The following STIM2 variants were observed in gnomAD, a reference collection of about 807,000 sequenced individuals.
STIM2 encodes the protein stromal interaction molecule 2.
Under a neutral mutation model 85.8 loss-of-function variants are expected in STIM2, and 31 were observed. The ratio of observed to expected loss-of-function variants is 0.36; its 90% CI spans 0.27 to 0.49. STIM2 has a LOEUF of 0.49. Among genes scored for constraint, STIM2 ranks in the 20% least tolerant of loss-of-function variants. STIM2 has a pLI of 0.98. For missense variants in STIM2, 841 were observed against 927.6 expected (o/e 0.91, Z 1.21); for synonymous variants, 356 against 331.1 (o/e 1.08, Z -0.82).
intron 10 of STIM2, among the ~76,000 whole-genome samples, chr4:27,010,195 C>T (rs549245520): frequency 3.3e-5 from 5 of 152,218 alleles, no homozygotes; most frequent in East Asian, 1.9e-4. Context: ...CCTGTAATCC[C>T]GGCACTTTGG....
At chr4:26,957,446 A>G (rs1403727089) in intron 2 of STIM2, among the ~76,000 whole-genome samples, 166 bp from the exon 3 acceptor site, 2 of 152,174 alleles carry the variant, frequency 1.3e-5, no homozygotes, top group Non-Finnish European at 2.9e-5. Flanking sequence ...ACATTTCATT[A>G]AATACATTTT....
At chr4:26,972,994 T>G (rs1273505445) in intron 3 of STIM2, among the ~76,000 whole-genome samples, 1 of 152,236 alleles carries the variant, frequency 6.6e-6, no homozygotes, top group African/African-American at 2.4e-5. Context: ...CAGGAATTTA[T>G]CCATTTCTTC....
intron 3 of STIM2, among the ~76,000 whole-genome samples, chr4:26,990,892 T>C (rs187126866): frequency 6.6e-6 from 1 of 152,218 alleles, no homozygotes; most frequent in African/African-American, 2.4e-5. Context: ...ATTATCACAC[T>C]CCAGTTTGAA....
rs2109136207 is a variant in STIM2 at position 27,007,653 on chromosome 4, A to G, written c.1102A>G (p.Ile368Val). The change falls in exon 8 of 12, where the codon ATT becomes GTT. Residue 368 changes from isoleucine (I) to valine (V), a missense_variant. This residue lies in a region of STIM2 where 408 missense variants were observed against 525.4 expected (regional missense o/e 0.78). Coordinates refer to ENST00000467087, the MANE Select transcript of STIM2 (RefSeq NM_020860.4). ...TGAAGTAGAAGTGCAATACTACAAT[A>G]TTAAAAGACAAAACGCTGAAATGCA... 6.3e-7 allele frequency: 1 copy of G among 1,598,538 alleles called. No individual in the cohort carries two copies. Among genetic ancestry groups the G allele is most frequent in the Non-Finnish European group, 8.5e-7 (1 of 1,173,516 alleles).
At chr4:26,989,891 G>A (rs1411929830) in intron 3 of STIM2, among the ~76,000 whole-genome samples, 7 of 151,962 alleles carry the variant, frequency 4.6e-5, no homozygotes, top group African/African-American at 9.7e-5. Flanking sequence ...ACCTAGAAAC[G>A]AATTTAACCA....
intron 3 of STIM2, among the ~76,000 whole-genome samples, chr4:26,974,118 C>G (rs1374342655): frequency 6.6e-6 from 1 of 152,080 alleles, no homozygotes; most frequent in East Asian, 1.9e-4. Flanking sequence ...TATTTTGAGC[C>G]TATGTAAGTC....
At chr4:26,919,115 G>T in intron 1 of STIM2, among the ~76,000 whole-genome samples, 1 of 148,998 alleles carries the variant, frequency 6.7e-6, no homozygotes, top group African/African-American at 2.5e-5. Context: ...TGTATTCTGT[G>T]ATTTTTTAGT....
At chr4:26,935,447 C>T (rs368198756) in intron 2 of STIM2, among the ~76,000 whole-genome samples, 1 of 152,152 alleles carries the variant, frequency 6.6e-6, no homozygotes, top group Admixed American at 6.5e-5. Context: ...ATTTAGCTTA[C>T]AGAGTGAGAA....
Position 26,861,362 on chromosome 4 carries a change from C to A in STIM2, c.144C>A (p.Leu48=). 1 of 1,338,576 alleles carries A rather than the reference C, an allele frequency of 7.5e-7. No homozygotes were observed. Among genetic ancestry groups the A allele is most frequent in the South Asian group, 1.9e-5 (1 of 53,028 alleles). 82.9% of individuals were successfully genotyped at this position (1,338,576 alleles called of 1,614,324 possible). Residue 48 remains leucine (L), a synonymous_variant, in exon 1 of 12, where the codon CTC becomes CTA. Transcript: ENST00000467087. ...CGGCGGCCGGCGATAGCCCGGCGCT[C>A]ATGACAGGTGAGGGGCCGGGGGGCG...
intron 2 of STIM2, among the ~76,000 whole-genome samples, chr4:26,946,831 T>C (rs956268152): frequency 1.3e-5 from 2 of 152,222 alleles, no homozygotes; most frequent in African/African-American, 4.8e-5. Flanking sequence ...TCTTGTGTTA[T>C]TTCCCTGTGT....
chr4:26,874,982 C>T (rs1193104053), intron 1 of STIM2, among the ~76,000 whole-genome samples: 2 of 152,254 alleles, frequency 1.3e-5, no homozygotes, highest in East Asian at 1.9e-4. Flanking sequence ...GCAGCTTCTT[C>T]GTATTATGAT....
Position 27,022,629 on chromosome 4 carries a change from T to C in STIM2, c.1874T>C (p.Ile625Thr), listed in dbSNP as rs1728950544. 1 of 1,614,072 alleles carries C rather than the reference T, an allele frequency of 6.2e-7. No individual in the cohort carries two copies. The highest frequency in any genetic ancestry group is 8.5e-7 in the Non-Finnish European group (1 of 1,180,016). Residue 625 changes from isoleucine to threonine, a missense_variant, in exon 12 of 12, where the codon ATA (isoleucine) becomes ACA (threonine). Ile to Thr is a moderately conservative substitution (Grantham distance 89). Around this residue, in one of 3 missense-constraint regions of STIM2, gnomAD observed 293 missense variants for 284.5 expected, o/e 1.03. Coordinates refer to ENST00000467087, the MANE Select transcript of STIM2 (RefSeq NM_020860.4). ...TACCAAACATTATCTCCGCGAAAGATATCAAGAGATGAGGTGTCCCTAGAG... is the reference window on the plus strand; with the variant it reads ...TACCAAACATTATCTCCGCGAAAGACATCAAGAGATGAGGTGTCCCTAGAG...
At position 26,919,563 on chromosome 4, in the gene STIM2, G is replaced by A; in HGVS notation, c.211G>A (p.Ala71Thr). ...AGAAGAAGACAGATTTAGTCTGGAA[G>A]CTCTTCAAACAATACATAAACAAAT... The change falls in exon 2 of 12, where the codon GCT (alanine) becomes ACT (threonine). Residue 71 changes from alanine (A) to threonine (T), a missense_variant. Physicochemically the swap from Ala to Thr is moderately conservative, Grantham distance 58. Coordinates refer to ENST00000467087, the MANE Select transcript of STIM2 (RefSeq NM_020860.4). 1 of 1,613,678 alleles carries A rather than the reference G, an allele frequency of 6.2e-7. No homozygotes were observed. The highest frequency in any genetic ancestry group is 8.5e-7 in the Non-Finnish European group (1 of 1,179,732).
At chr4:26,929,309 G>T (rs987016183) in intron 2 of STIM2, among the ~76,000 whole-genome samples, 2 of 152,120 alleles carry the variant, frequency 1.3e-5, no homozygotes, top group Non-Finnish European at 2.9e-5. Context: ...TTTAAAGGAT[G>T]AATTATTAAT....
chr4:26,876,035 G>C (rs1255052821), intron 1 of STIM2, among the ~76,000 whole-genome samples: 1 of 151,912 alleles, frequency 6.6e-6, no homozygotes, highest in Non-Finnish European at 1.5e-5. Flanking sequence ...CATATTAGTG[G>C]CTCAGTATCC....
At position 26,978,270 on chromosome 4, in the gene STIM2, C is replaced by CAT. The variant is rs201973076; in HGVS notation, c.398-17100_398-17099dup. On this transcript the variant is annotated intron_variant, in intron 3 of 11. Transcript: ENST00000467087. Reference sequence around the variant, plus strand: ...CACATATATACATATATATTTAAATCATATATATATTTTCATATATATGAA... The same window carrying CAT: ...CACATATATACATATATATTTAAATCATATATATATATTTTCATATATATGAA... Among the ~76,000 whole-genome samples, 37 of 146,498 alleles carry CAT rather than the reference C, an allele frequency of 2.5e-4. No individual in the cohort carries two copies. In the South Asian group the frequency reaches 7.9e-3, roughly 31 times the overall value.
intron 1 of STIM2, among the ~76,000 whole-genome samples, chr4:26,869,299 C>CAAA (rs71186495): frequency 1.2e-5 from 1 of 85,840 alleles, no homozygotes; most frequent in Non-Finnish European, 2.3e-5. Context: ...ACCCTGTCTC[C>CAAA]AAAAAAAAAA....
intron 2 of STIM2, among the ~76,000 whole-genome samples, chr4:26,932,345 T>A (rs943641521): frequency 2.2e-4 from 34 of 152,214 alleles, no homozygotes; most frequent in African/African-American, 8.2e-4. Flanking sequence ...TTTGGCATAA[T>A]GTAAGTGGTC....
rs1395664752 is a variant in STIM2, at chr4:27,022,635, G to A, written c.1880G>A (p.Arg627Lys). ...ACATTATCTCCGCGAAAGATATCAA[G>A]AGATGAGGTGTCCCTAGAGGATTCC... Residue 627 changes from arginine (R) to lysine (K), a missense_variant, in exon 12 of 12, where the codon AGA (arginine) becomes AAA (lysine). By Grantham distance (26) the Arg-to-Lys change is conservative. Coordinates refer to ENST00000467087, the MANE Select transcript of STIM2 (RefSeq NM_020860.4). The A allele has an allele frequency of 4.3e-6, 7 of 1,614,202 alleles. No individual in the cohort carries two copies. The highest frequency in any genetic ancestry group is 5.1e-6 in the Non-Finnish European group (6 of 1,180,016).
Sources: gnomAD v4.1 joint callset for allele counts (sites outside exome capture counted in the v4.1 genomes callset) on GRCh38, gnomAD v4.1.1 for gene constraint, gnomAD v4.1.1 regional missense constraint, MANE v1.5 for transcripts, NCBI Gene and HGNC (gene_info 2026-07-23, HGNC 2026-07-21) for gene names.